Variants in KCTD16 observed in about 807,000 individuals in gnomAD.
KCTD16 encodes BTB/POZ domain-containing protein KCTD16.
In KCTD16, 13 loss-of-function variants were observed where a neutral mutation model predicts 33.2. The ratio of observed to expected loss-of-function variants is 0.39; its 90% confidence interval spans 0.25 to 0.62. KCTD16 has a LOEUF of 0.62. KCTD16 is among the 20% of genes least tolerant of loss of function. The pLI is 0.50. For synonymous variants in KCTD16, 197 were observed against 195.3 expected, an observed-to-expected ratio of 1.01 and a Z score of -0.07; for missense variants, 441 against 525.1, an observed-to-expected ratio of 0.84 and a Z score of 1.57.
At chr5:144,193,653 A>G (rs570425534) in intron 2 of KCTD16, among the ~76,000 whole-genome samples, 38 of 152,266 alleles carry the variant, frequency 2.5e-4, no homozygotes, top group Admixed American at 1.9e-3. Flanking sequence ...ATGATGGCAA[A>G]GAGCTGGTCT....
At chr5:144,252,777 C>T (rs372606246) in intron 3 of KCTD16, among the ~76,000 whole-genome samples, 33 of 151,762 alleles carry the variant, frequency 2.2e-4, no homozygotes, top group Non-Finnish European at 3.5e-4. Flanking sequence ...TTGAGATGGA[C>T]GCTGGTGTCA....
chr5:144,345,839 T>C (rs1752784446), intron 3 of KCTD16, among the ~76,000 whole-genome samples: 1 of 152,196 alleles, frequency 6.6e-6, no homozygotes, highest in Non-Finnish European at 1.5e-5. Context: ...GCATTTCTCT[T>C]GTGAGTTACA....
At chr5:144,433,616 G>A (rs540306768) in intron 3 of KCTD16, among the ~76,000 whole-genome samples, 6 of 152,178 alleles carry the variant, frequency 3.9e-5, no homozygotes, top group African/African-American at 1.4e-4. Flanking sequence ...TCACCTATTT[G>A]AAGTTTAAAC....
rs769305903 is a variant in KCTD16, at chr5:144,207,414, G to C, written c.700G>C (p.Glu234Gln). The change falls in exon 3 of 4, where the codon GAA becomes CAA. Residue 234 changes from glutamate (E) to glutamine (Q), a missense_variant. Physicochemically the swap from Glu to Gln is conservative, Grantham distance 29 (BLOSUM62 2). Transcript: ENST00000512467. ...SRFYLKFKHL[E>Q]RAFDMLSECG... The stretch of plus-strand genomic sequence containing the variant: ...ATTTTATCTCAAATTCAAGCACCTG[G>C]AAAGGGCTTTTGATATGTTGTCAGA... 3 of 1,614,082 alleles carry C rather than the reference G, an allele frequency of 1.9e-6. No homozygotes were observed. The highest frequency in any genetic ancestry group is 1.3e-5 in the African/African-American group (1 of 74,934).
chr5:144,332,407 C>T (rs906429078), intron 3 of KCTD16, among the ~76,000 whole-genome samples: 4 of 152,050 alleles, frequency 2.6e-5, no homozygotes, highest in African/African-American at 9.7e-5. Context: ...GCATAAGGAG[C>T]AGTTAGCTAC....
At chr5:144,288,452 T>C (rs1457789506) in intron 3 of KCTD16, among the ~76,000 whole-genome samples, 1 of 152,138 alleles carries the variant, frequency 6.6e-6, no homozygotes, top group Non-Finnish European at 1.5e-5. Context: ...GGATGGCTCC[T>C]GCTTGCAGGA....
intron 3 of KCTD16, among the ~76,000 whole-genome samples, chr5:144,266,973 G>A (rs150924088): frequency 2.0e-5 from 3 of 152,238 alleles, no homozygotes; most frequent in East Asian, 1.9e-4. Context: ...AAGTAATTGC[G>A]ATTTTTGCTA....
Position 144,476,282 on chromosome 5 carries a change from A to T in KCTD16, c.*2168A>T, listed in dbSNP as rs1054478923. On this transcript the variant is annotated 3_prime_UTR_variant, in exon 4 of 4. Transcript: ENST00000512467. Reference sequence around the variant, plus strand: ...CAAAGACTTTGGGGGTCTAACTAAAATGGCCAAAGTTCCAACTTCCTTAAA... The same window carrying T: ...CAAAGACTTTGGGGGTCTAACTAAATTGGCCAAAGTTCCAACTTCCTTAAA... 1 of 152,208 alleles carries T rather than the reference A, an allele frequency of 6.6e-6. No homozygotes were observed. Among genetic ancestry groups the T allele is most frequent in the Non-Finnish European group, 1.5e-5 (1 of 68,030 alleles). 9.4% of individuals were successfully genotyped at this position (152,208 alleles called of 1,614,324 possible).
At chr5:144,181,808 T>C (rs1175111625) in intron 2 of KCTD16, among the ~76,000 whole-genome samples, 1 of 152,086 alleles carries the variant, frequency 6.6e-6, no homozygotes, top group African/African-American at 2.4e-5. Flanking sequence ...TAAGAGGTGA[T>C]CAGGGCAGGG....
intron 3 of KCTD16, among the ~76,000 whole-genome samples, chr5:144,429,960 C>T (rs1228587668): frequency 1.3e-5 from 2 of 151,926 alleles, no homozygotes; most frequent in African/African-American, 4.8e-5. Context: ...AGAAAATGGG[C>T]TGAGCAGAGA....
intron 3 of KCTD16, among the ~76,000 whole-genome samples, chr5:144,403,251 T>G (rs1324391179): frequency 1.3e-5 from 2 of 152,206 alleles, no homozygotes; most frequent in Non-Finnish European, 2.9e-5. Flanking sequence ...AGTCCTAACC[T>G]CTGGTACCTA....
intron 3 of KCTD16, among the ~76,000 whole-genome samples, chr5:144,224,896 A>G (rs146599044): frequency 6.5e-4 from 99 of 152,324 alleles, no homozygotes; most frequent in African/African-American, 2.3e-3. Context: ...CTTAACCAAG[A>G]TCATACTCTT....
chr5:144,344,013 A>G (rs928051103), intron 3 of KCTD16, among the ~76,000 whole-genome samples: 1 of 152,262 alleles, frequency 6.6e-6, no homozygotes, highest in East Asian at 1.9e-4. Flanking sequence ...AAACAGAGAT[A>G]TAGATCAATG....
intron 3 of KCTD16, among the ~76,000 whole-genome samples, chr5:144,455,593 C>A (rs1015120259): frequency 6.6e-6 from 1 of 152,058 alleles, no homozygotes; most frequent in Non-Finnish European, 1.5e-5. Flanking sequence ...ATTAGTTGAA[C>A]CAGTAGTGGG....
intron 3 of KCTD16, among the ~76,000 whole-genome samples, chr5:144,263,734 C>T (rs1185026974): frequency 2.0e-5 from 3 of 152,182 alleles, no homozygotes. Context: ...TTTTAGTCAG[C>T]CCATGCTGCT....
intron 3 of KCTD16, among the ~76,000 whole-genome samples, chr5:144,463,559 G>A (rs1488214228): frequency 6.6e-6 from 1 of 152,142 alleles, no homozygotes; most frequent in Non-Finnish European, 1.5e-5. Context: ...TACCAGCAGA[G>A]CTCATTCCTG....
chr5:144,228,868 C>T (rs773423329), intron 3 of KCTD16, among the ~76,000 whole-genome samples: 6 of 152,158 alleles, frequency 3.9e-5, no homozygotes, highest in South Asian at 2.1e-4. Flanking sequence ...ATAGTACCTA[C>T]GTATAGTAAT....
At chr5:144,202,667 G>A (rs1753071007) in intron 2 of KCTD16, among the ~76,000 whole-genome samples, 1 of 152,116 alleles carries the variant, frequency 6.6e-6, no homozygotes, top group Admixed American at 6.6e-5. Flanking sequence ...CAAAGCAAGT[G>A]TTTATTTTTA....
chr5:144,276,225 GT>G (rs1006744788), intron 3 of KCTD16, among the ~76,000 whole-genome samples: 1 of 151,954 alleles, frequency 6.6e-6, no homozygotes, highest in Non-Finnish European at 1.5e-5. Flanking sequence ...AGAATTGTGT[GT>G]TTTTTTGTAA....
Sources: allele counts gnomAD v4.1 joint callset (sites outside exome capture counted in the v4.1 genomes callset), GRCh38; gene constraint gnomAD v4.1.1; transcripts MANE v1.5; gene names NCBI Gene and HGNC (gene_info 2026-07-23, HGNC 2026-07-21).